Variants in GLIS3 observed in about 807,000 individuals in gnomAD.
The protein encoded by GLIS3 is zinc finger protein GLIS3.
A neutral mutation model predicts 78.6 loss-of-function variants in GLIS3; 53 were observed. The observed-to-expected ratio is 0.67, with a 90% CI of 0.54 to 0.85. GLIS3 has a LOEUF of 0.85. GLIS3 is among the 40% of genes least tolerant of loss of function. The pLI, the probability that GLIS3 is intolerant of heterozygous loss-of-function variation, is 0.00. For missense variants in GLIS3, 1,703 were observed against 1,231.1 expected (o/e 1.38, Z -5.74); for synonymous variants, 684 against 509.9 (o/e 1.34, Z -4.60).
intron 9 of GLIS3, among the ~76,000 whole-genome samples, chr9:3,839,978 C>T (rs1024134291): frequency 6.6e-6 from 1 of 152,184 alleles, no homozygotes; most frequent in Non-Finnish European, 1.5e-5. Flanking sequence ...TCTTTTATTT[C>T]CATCCATTGC....
At chr9:3,867,754 TGA>T (rs1342998914) in intron 8 of GLIS3, among the ~76,000 whole-genome samples, 78 of 138,936 alleles carry the variant, frequency 5.6e-4, no homozygotes, top group Non-Finnish European at 7.2e-4. Flanking sequence ...TGTGTGTGTG[TGA>T]GTGCATGTGT....
intron 4 of GLIS3, among the ~76,000 whole-genome samples, chr9:4,055,218 C>T (rs530862747): frequency 6.6e-6 from 1 of 152,122 alleles, no homozygotes; most frequent in Non-Finnish European, 1.5e-5. Flanking sequence ...ATAGAGTTGG[C>T]AAGAGCCTCT....
At chr9:4,125,594 C>G in intron 3 of GLIS3, 140 bp downstream of exon 3, 2 of 737,090 alleles carry the variant, frequency 2.7e-6, no homozygotes, top group South Asian at 2.9e-5. Context: ...CCCCTACAAA[C>G]CTCAAATTGA....
In GLIS3 at chr9:4,316,690, G is replaced by A. The variant is rs191979498; in HGVS notation, n.265-6162C>T. ...GTGCCCTGAGATGGGACGGCAGCCT[G>A]CCCAGAGTTGGTTCCTGCCTTGCCC... On this transcript the variant is annotated intron_variant and non_coding_transcript_variant, in intron 2 of 4. Transcript: ENST00000471664. 1.9e-3 allele frequency among the ~76,000 whole-genome samples: 285 copies of A among 152,302 alleles called. 2 individuals carry two copies. Among genetic ancestry groups the A allele is most frequent in the African/African-American group, 6.4e-3 (264 of 41,564 alleles).
chr9:4,388,355 T>G, the GLIS3 span, among the ~76,000 whole-genome samples: 2 of 152,060 alleles, frequency 1.3e-5, no homozygotes, highest in Admixed American at 6.6e-5. Context: ...ATTTCCATGG[T>G]TAGCTTTACC....
chr9:3,893,182 C>T (rs183598664), intron 7 of GLIS3, among the ~76,000 whole-genome samples: 1 of 152,164 alleles, frequency 6.6e-6, no homozygotes, highest in Non-Finnish European at 1.5e-5. Context: ...TGCCCAGCCT[C>T]GCTACTTGCC....
At chr9:3,953,779 CTCTCTCTCTCTCTCTCTA>C (rs1421674077) in intron 4 of GLIS3, among the ~76,000 whole-genome samples, 2 of 38,852 alleles carry the variant, frequency 5.1e-5, no homozygotes, top group African/African-American at 9.9e-5. Flanking sequence ...CTCTCTCTCT[CTCTCTCTCTCTCTCTCTA>C]TATATATATA....
the GLIS3 span, among the ~76,000 whole-genome samples, chr9:4,445,006 C>T: frequency 6.6e-6 from 1 of 152,130 alleles, no homozygotes; most frequent in Non-Finnish European, 1.5e-5. Flanking sequence ...AGTTACATCT[C>T]ATATGTTTTA....
chr9:4,292,883 G>T (rs1816143669), intron 1 of GLIS3, among the ~76,000 whole-genome samples: 1 of 152,170 alleles, frequency 6.6e-6, no homozygotes, highest in Non-Finnish European at 1.5e-5. Flanking sequence ...ATCAGATTCT[G>T]AAAAGAGGAA....
intron 4 of GLIS3, among the ~76,000 whole-genome samples, chr9:4,073,718 G>A (rs995439460): frequency 1.3e-5 from 2 of 152,226 alleles, no homozygotes; most frequent in South Asian, 2.1e-4. Flanking sequence ...GAATTCAAAC[G>A]CTTGCTCCCC....
At chr9:3,948,570 C>A (rs1284701275) in intron 4 of GLIS3, among the ~76,000 whole-genome samples, 1 of 152,134 alleles carries the variant, frequency 6.6e-6, no homozygotes, top group Non-Finnish European at 1.5e-5. Flanking sequence ...CCTTCCACCC[C>A]CTCTCTCTGG....
chr9:3,899,387 A>G (rs1023018962), intron 6 of GLIS3, among the ~76,000 whole-genome samples: 31 of 152,138 alleles, frequency 2.0e-4, no homozygotes, highest in African/African-American at 3.6e-4. Context: ...TTACATAAAA[A>G]CAGAACAATT....
At chr9:4,060,928 G>T (rs1476233752) in intron 4 of GLIS3, among the ~76,000 whole-genome samples, 1 of 152,074 alleles carries the variant, frequency 6.6e-6, no homozygotes, top group Non-Finnish European at 1.5e-5. Flanking sequence ...CTCCCACTTT[G>T]CCCATGGATT....
chr9:4,194,305 C>T (rs1036741662), intron 2 of GLIS3, among the ~76,000 whole-genome samples: 2 of 152,100 alleles, frequency 1.3e-5, no homozygotes, highest in Non-Finnish European at 2.9e-5. Context: ...GGCAATCTGC[C>T]CACTTTGGCC....
intron 8 of GLIS3, among the ~76,000 whole-genome samples, chr9:3,859,639 G>A (rs1386859616): frequency 6.6e-6 from 1 of 152,140 alleles, no homozygotes; most frequent in Non-Finnish European, 1.5e-5. Context: ...CCAAGAGCCA[G>A]AAGAGACACC....
intron 4 of GLIS3, among the ~76,000 whole-genome samples, chr9:3,941,309 C>T (rs1035403085): frequency 6.6e-6 from 1 of 152,174 alleles, no homozygotes; most frequent in Non-Finnish European, 1.5e-5. Flanking sequence ...AAATCTCAGA[C>T]TCTCCATCTC....
At chr9:3,839,824 G>A (rs942850528) in intron 9 of GLIS3, among the ~76,000 whole-genome samples, 1 of 152,148 alleles carries the variant, frequency 6.6e-6, no homozygotes, top group African/African-American at 2.4e-5. Flanking sequence ...GGAAAGTGCA[G>A]ATATTCTCAT....
intron 1 of GLIS3, among the ~76,000 whole-genome samples, chr9:4,290,181 C>G (rs1242165382): frequency 1.3e-5 from 2 of 151,984 alleles, no homozygotes; most frequent in Non-Finnish European, 2.9e-5. Context: ...TCTGATGAGC[C>G]AGTTAATTAT....
At chr9:4,377,403 C>T in the GLIS3 span, among the ~76,000 whole-genome samples, 3 of 135,714 alleles carry the variant, frequency 2.2e-5, 1 homozygote, top group Non-Finnish European at 5.0e-5. Flanking sequence ...CTTGGAGTTA[C>T]ACCAGTTGTT....
Sources: allele counts gnomAD v4.1 joint callset (sites outside exome capture counted in the v4.1 genomes callset), GRCh38; gene constraint gnomAD v4.1.1; transcripts MANE v1.5; gene names NCBI Gene and HGNC (gene_info 2026-07-23, HGNC 2026-07-21).